HIBADH: variants seen among roughly 807,000 people sequenced by gnomAD.
The protein encoded by HIBADH is 3-hydroxyisobutyrate dehydrogenase.
In HIBADH, 25 loss-of-function variants were observed where a neutral mutation model predicts 36.1. The observed-to-expected ratio is 0.69, with a 90% CI of 0.50 to 0.97. HIBADH has a LOEUF of 0.97. HIBADH is among the 50% of genes least tolerant of loss of function. The pLI, the probability that HIBADH is intolerant of heterozygous loss-of-function variation, is 0.00. For synonymous variants in HIBADH, 160 were observed against 149.5 expected (o/e 1.07, Z -0.51); for missense variants, 421 against 418.0 (o/e 1.01, Z -0.06).
intron 2 of HIBADH, among the ~76,000 whole-genome samples, chr7:27,646,362 C>T (rs1440990472): frequency 2.0e-5 from 3 of 152,100 alleles, no homozygotes; most frequent in East Asian, 1.9e-4. Context: ...ACCAAAACTC[C>T]GAAGTCAAAG....
At chr7:27,649,823 A>G (rs978766032) in intron 1 of HIBADH, among the ~76,000 whole-genome samples, 190 bp from the exon 2 acceptor site, 1 of 152,060 alleles carries the variant, frequency 6.6e-6, no homozygotes, top group African/African-American at 2.4e-5. Flanking sequence ...GCTCGAGCCC[A>G]GGAGTTTTAG....
chr7:27,553,715 T>A (rs935805145), intron 4 of HIBADH, among the ~76,000 whole-genome samples: 1 of 152,214 alleles, frequency 6.6e-6, no homozygotes, highest in African/African-American at 2.4e-5. Context: ...AATGTCGGTT[T>A]ACAATAAAAC....
At chr7:27,589,643 C>T (rs1037847392) in intron 4 of HIBADH, among the ~76,000 whole-genome samples, 1 of 152,146 alleles carries the variant, frequency 6.6e-6, no homozygotes, top group African/African-American at 2.4e-5. Flanking sequence ...ACTCCACTGT[C>T]TTCAAATGTA....
chr7:27,632,572 C>T (rs1222003571), intron 2 of HIBADH, 127 bp from the exon 3 acceptor site: 2 of 226,392 alleles, frequency 8.8e-6, no homozygotes, highest in Non-Finnish European at 1.5e-5. Flanking sequence ...TCCTTGTTTG[C>T]AAATGACCAA....
At position 27,659,729 on chromosome 7, in the gene HIBADH, T is replaced by TAAAC. The variant is rs70974490; in HGVS notation, c.91+2965_91+2968dup. Among the ~76,000 whole-genome samples the TAAAC allele has an allele frequency of 1.7e-3, 254 of 151,282 alleles. 2 individuals carry two copies. The highest frequency in any genetic ancestry group is 0.012 in the South Asian group (55 of 4,782). On this transcript the variant is annotated intron_variant, in intron 1 of 7. Coordinates refer to ENST00000265395, the MANE Select transcript of HIBADH (RefSeq NM_152740.4). ...AGAGAGAGAGAGACCCCATCTCAAA[T>TAAAC]AAACAAACAAACAAACAAACAAACA...
chr7:27,552,954 T>TG (rs747500118), intron 4 of HIBADH, among the ~76,000 whole-genome samples: 17 of 152,166 alleles, frequency 1.1e-4, no homozygotes, highest in Non-Finnish European at 2.1e-4. Flanking sequence ...TTGGTAGGTG[T>TG]TTAAGAAAAC....
chr7:27,599,777 GT>G (rs199653210), intron 4 of HIBADH, among the ~76,000 whole-genome samples: 3 of 147,416 alleles, frequency 2.0e-5, no homozygotes, highest in Admixed American at 6.8e-5. Context: ...AAAACATTCA[GT>G]TTTTTTTTAA....
chr7:27,643,793 C>T (rs369033652), intron 2 of HIBADH, among the ~76,000 whole-genome samples: 4 of 152,206 alleles, frequency 2.6e-5, no homozygotes, highest in African/African-American at 9.7e-5. Flanking sequence ...CTGTCTTTGC[C>T]TTTTCCAGCT....
rs1554300959 is a variant in HIBADH at position 27,645,368 on chromosome 7, A to ATATTTT, written c.252+4104_252+4105insAAAATA. ...CTAGTGGGTGTGTCTCATGGTTTTG[A>ATATTTT]TTTTTTTTTTTTTTTTTTTTTTTTT... On this transcript the variant is annotated intron_variant, in intron 2 of 7. Transcript: ENST00000265395. Among the ~76,000 whole-genome samples, 224 of 59,642 alleles carry ATATTTT rather than the reference A, an allele frequency of 3.8e-3. 38 individuals are homozygous for ATATTTT. The highest frequency in any genetic ancestry group is 6.2e-3 in the Non-Finnish European group (198 of 31,786). The allele number at this position is 59,642 out of a possible 152,430, so 39.1% of individuals were successfully genotyped here.
intron 2 of HIBADH, 40 bp from the exon 3 acceptor site, chr7:27,632,485 A>C: frequency 1.4e-6 from 2 of 1,380,164 alleles, no homozygotes; most frequent in Non-Finnish European, 2.1e-6. Flanking sequence ...TTAAATTAAA[A>C]TGTAAGCAGT....
At chr7:27,578,376 C>T (rs1200659628) in intron 4 of HIBADH, among the ~76,000 whole-genome samples, 1 of 151,418 alleles carries the variant, frequency 6.6e-6, no homozygotes, top group Non-Finnish European at 1.5e-5. Flanking sequence ...AGTGCAGTGG[C>T]ACGATCTCAG....
At chr7:27,651,181 G>A (rs1246907918) in intron 1 of HIBADH, among the ~76,000 whole-genome samples, 1 of 152,180 alleles carries the variant, frequency 6.6e-6, no homozygotes, top group South Asian at 2.1e-4. Flanking sequence ...TGAATGGAAT[G>A]AGATTTGTTA....
intron 1 of HIBADH, among the ~76,000 whole-genome samples, chr7:27,659,506 A>C (rs1044194153): frequency 2.6e-5 from 4 of 151,854 alleles, no homozygotes; most frequent in South Asian, 2.1e-4. Context: ...GTTGACCCCC[A>C]GAGTTCAAGA....
chr7:27,557,245 A>G (rs1437658757), intron 4 of HIBADH, among the ~76,000 whole-genome samples: 1 of 151,520 alleles, frequency 6.6e-6, no homozygotes, highest in African/African-American at 2.4e-5. Context: ...CAATTTATAT[A>G]TTATCTCAAG....
intron 1 of HIBADH, among the ~76,000 whole-genome samples, chr7:27,661,623 AG>A (rs1786420831): frequency 6.7e-6 from 1 of 150,054 alleles, no homozygotes; most frequent in South Asian, 2.1e-4. Context: ...CGGGGGGCCA[AG>A]GGGCTCAAAT....
intron 4 of HIBADH, among the ~76,000 whole-genome samples, chr7:27,579,652 A>C (rs1784761601): frequency 6.6e-6 from 1 of 152,204 alleles, no homozygotes. Flanking sequence ...AAGCAGGTTT[A>C]CTTATGTGCT....
At chr7:27,528,217 T>C (rs1189386512) in intron 7 of HIBADH, among the ~76,000 whole-genome samples, 1 of 152,090 alleles carries the variant, frequency 6.6e-6, no homozygotes, top group African/African-American at 2.4e-5. Flanking sequence ...CAGGCCTCCC[T>C]ATTCCCTGAG....
intron 4 of HIBADH, among the ~76,000 whole-genome samples, chr7:27,591,403 T>G (rs1784937234): frequency 1.3e-5 from 2 of 152,086 alleles, no homozygotes; most frequent in Admixed American, 1.3e-4. Context: ...TACAAAAAAT[T>G]AGCCGGGCGT....
At chr7:27,641,414 G>A (rs904507248) in intron 2 of HIBADH, among the ~76,000 whole-genome samples, 6 of 152,040 alleles carry the variant, frequency 3.9e-5, no homozygotes, top group Admixed American at 3.3e-4. Flanking sequence ...ATGGACACCC[G>A]TCCTTAAAAA....
Sources: allele counts gnomAD v4.1 joint callset (sites outside exome capture counted in the v4.1 genomes callset), GRCh38; gene constraint gnomAD v4.1.1; transcripts MANE v1.5; gene names NCBI Gene and HGNC (gene_info 2026-07-23, HGNC 2026-07-21).